MICAL3: variants seen among roughly 807,000 people sequenced by gnomAD.
MICAL3 encodes the protein microtubule associated monooxygenase, calponin and LIM domain containing 3, also known as [F-actin]-monooxygenase MICAL3.
MICAL3 carries 62 observed loss-of-function variants against 207.4 expected under a neutral mutation model. That is an observed-to-expected ratio of 0.30 (90% CI 0.24 to 0.37). The LOEUF is 0.37. MICAL3 is among the 10% of genes least tolerant of loss of function. The pLI is 1.00. For missense variants in MICAL3, 2,368 were observed against 2,635.6 expected (o/e 0.90, Z 2.22); for synonymous variants, 1,077 against 1,069.3 (o/e 1.01, Z -0.14).
At position 17,818,545 on chromosome 22, in the gene MICAL3, G is replaced by C; in HGVS notation, c.4116C>G (p.Pro1372=). Residue 1372 remains proline (P), a synonymous_variant, in exon 26 of 32, where the codon CCC becomes CCG. Transcript: ENST00000441493. ...SLKSYSVEKS[P]QDEGLHLLKP... is the part of the protein sequence containing the mutation. ...TGAGAAGGTGGAGTCCCTCATCCTGGGGGGACTTTTCAACGGAATAGGATT... is the reference window on the plus strand; with the variant it reads ...TGAGAAGGTGGAGTCCCTCATCCTGCGGGGACTTTTCAACGGAATAGGATT... The C allele has an allele frequency of 6.2e-7, 1 of 1,613,590 alleles. No individual in the cohort carries two copies. Among genetic ancestry groups the C allele is most frequent in the Non-Finnish European group, 8.5e-7 (1 of 1,179,878 alleles).
intron 1 of MICAL3, among the ~76,000 whole-genome samples, chr22:18,020,957 T>C (rs1924434448): frequency 7.2e-6 from 1 of 138,420 alleles, no homozygotes; most frequent in African/African-American, 2.6e-5. Flanking sequence ...AATAAATAAA[T>C]AAATAAATAA....
At chr22:17,968,309 G>C (rs1034535080) in intron 1 of MICAL3, among the ~76,000 whole-genome samples, 1 of 152,106 alleles carries the variant, frequency 6.6e-6, no homozygotes, top group Non-Finnish European at 1.5e-5. Context: ...TAGCAACCTT[G>C]CCAGAGCTCA....
intron 28 of MICAL3, 94 bp from the exon 29 acceptor site, chr22:17,809,031 T>C: frequency 3.6e-6 from 4 of 1,102,446 alleles, no homozygotes; most frequent in Admixed American, 4.1e-5. Context: ...AACACAGGAG[T>C]TGCCGCTCTG....
intron 1 of MICAL3, among the ~76,000 whole-genome samples, chr22:17,937,158 A>G (rs1175786976): frequency 6.6e-6 from 1 of 152,212 alleles, no homozygotes; most frequent in Admixed American, 6.5e-5. Flanking sequence ...GCAAGCTACC[A>G]ATGGCACTTG....
chr22:17,877,423 G>T (rs62240566), intron 16 of MICAL3, among the ~76,000 whole-genome samples: 4 of 31,072 alleles, frequency 1.3e-4, no homozygotes, highest in South Asian at 8.9e-4. Flanking sequence ...ATGGAGGTTA[G>T]GGAGATTATG....
intron 1 of MICAL3, among the ~76,000 whole-genome samples, chr22:17,968,876 T>A (rs1434149543): frequency 6.6e-6 from 1 of 152,226 alleles, no homozygotes; most frequent in Non-Finnish European, 1.5e-5. Context: ...TTAAATAGAT[T>A]TGTATTTTAT....
chr22:17,811,725 A>G (rs2062050024), intron 27 of MICAL3, among the ~76,000 whole-genome samples: 1 of 152,200 alleles, frequency 6.6e-6, no homozygotes, highest in Non-Finnish European at 1.5e-5. Context: ...TATTGCCTCT[A>G]AGAAAATGAA....
intron 1 of MICAL3, among the ~76,000 whole-genome samples, chr22:17,960,730 C>T (rs1934870935): frequency 6.6e-6 from 1 of 152,128 alleles, no homozygotes; most frequent in Non-Finnish European, 1.5e-5. Context: ...CAGACACCCG[C>T]CCCGGGGTCA....
intron 1 of MICAL3, among the ~76,000 whole-genome samples, chr22:18,001,860 G>A (rs1213426447): frequency 6.6e-6 from 1 of 152,198 alleles, no homozygotes; most frequent in Non-Finnish European, 1.5e-5. Context: ...AACCCGGTGG[G>A]CATATCAAAG....
intron 19 of MICAL3, among the ~76,000 whole-genome samples, chr22:17,856,661 C>T (rs376171394): frequency 0.017 from 2,267 of 131,794 alleles, 23 homozygotes; most frequent in African/African-American, 0.021. Flanking sequence ...GTCGCCCAGG[C>T]CGGACTGCGG....
rs755510263 is a variant in MICAL3 at position 17,790,924 on chromosome 22, GAGA to G, written c.5825-11_5825-9del. 1.2e-5 allele frequency: 19 copies of G among 1,613,486 alleles called. No individual in the cohort carries two copies. Among genetic ancestry groups the G allele is most frequent in the Middle Eastern group, 3.3e-4 (2 of 6,084 alleles). On this transcript the variant is annotated splice_polypyrimidine_tract_variant and intron_variant, in intron 31 of 31. Coordinates refer to ENST00000441493, the MANE Select transcript of MICAL3 (RefSeq NM_015241.3). ...CCTCAGTCTTAAGGTGATCTTGAAG[GAGA>G]AGAAGGCATGAGGTGAGGGGCCTGG...
At chr22:18,004,968 C>G (rs1923290458) in intron 1 of MICAL3, 1 of 151,486 alleles carries the variant, frequency 6.6e-6, no homozygotes. Flanking sequence ...GAGTCACACT[C>G]TGTCACCCAG....
At chr22:17,939,954 A>G (rs1933730570) in intron 1 of MICAL3, among the ~76,000 whole-genome samples, 2 of 152,190 alleles carry the variant, frequency 1.3e-5, no homozygotes, top group South Asian at 2.1e-4. Flanking sequence ...GTATGTACAT[A>G]CTGTATTTAC....
intron 16 of MICAL3, chr22:17,875,297 A>T: frequency 2.1e-6 from 1 of 467,594 alleles, no homozygotes; most frequent in South Asian, 3.2e-5. Context: ...AGACCGACAC[A>T]GGCAAACAGC....
At chr22:17,974,452 C>T (rs1311373391) in intron 1 of MICAL3, among the ~76,000 whole-genome samples, 2 of 152,212 alleles carry the variant, frequency 1.3e-5, no homozygotes, top group Admixed American at 6.5e-5. Flanking sequence ...TGGCTCACGC[C>T]TATAATCCCA....
At chr22:17,975,578 C>T (rs1048250728) in intron 1 of MICAL3, among the ~76,000 whole-genome samples, 3 of 152,056 alleles carry the variant, frequency 2.0e-5, no homozygotes, top group East Asian at 1.9e-4. Context: ...AAAAATTCAA[C>T]GAATTCATTT....
intron 16 of MICAL3, among the ~76,000 whole-genome samples, chr22:17,880,946 C>A (rs527873342): frequency 6.6e-6 from 1 of 152,354 alleles, no homozygotes; most frequent in South Asian, 2.1e-4. Context: ...ACATCAATTA[C>A]AGTTGAACTT....
At position 18,017,805 on chromosome 22, in the gene MICAL3, C is replaced by T. The variant is rs191050439; in HGVS notation, c.-75+6476G>A. Among the ~76,000 whole-genome samples the T allele has an allele frequency of 5.0e-3, 740 of 147,202 alleles. 11 individuals are homozygous for T. The highest frequency in any genetic ancestry group is 0.018 in the African/African-American group (710 of 39,654). Reference sequence around the variant, plus strand: ...TTGCTCTGTCACCCAGGCTGGAGTGCAGTGGCTCGATCTCCGCTCACTGCA... The same window carrying T: ...TTGCTCTGTCACCCAGGCTGGAGTGTAGTGGCTCGATCTCCGCTCACTGCA... On this transcript the variant is annotated intron_variant, in intron 1 of 31. Coordinates refer to ENST00000441493, the MANE Select transcript of MICAL3 (RefSeq NM_015241.3).
intron 1 of MICAL3, among the ~76,000 whole-genome samples, chr22:18,003,633 G>C (rs941669304): frequency 6.6e-6 from 1 of 152,124 alleles, no homozygotes; most frequent in South Asian, 2.1e-4. Flanking sequence ...CTTTACACCA[G>C]CCTGCTAGGC....
Sources: allele counts gnomAD v4.1 joint callset (sites outside exome capture counted in the v4.1 genomes callset), GRCh38; gene constraint gnomAD v4.1.1; transcripts MANE v1.5; gene names NCBI Gene and HGNC (gene_info 2026-07-23, HGNC 2026-07-21).